TRIM16: variants seen among roughly 807,000 people sequenced by gnomAD.
TRIM16 encodes the protein tripartite motif-containing protein 16.
TRIM16 carries 33 observed loss-of-function variants against 50.4 expected under a neutral mutation model. The observed-to-expected ratio is 0.65, with a 90% CI of 0.50 to 0.88. The LOEUF is 0.88. Among genes scored for constraint, TRIM16 ranks in the 40% least tolerant of loss-of-function variants. The pLI, the probability that TRIM16 is intolerant of heterozygous loss-of-function variation, is 0.00. For synonymous variants in TRIM16, 229 were observed against 270.7 expected (o/e 0.85, Z 1.51); for missense variants, 581 against 686.8 (o/e 0.85, Z 1.72).
intron 6 of TRIM16, among the ~76,000 whole-genome samples, chr17:15,669,549 G>T (rs572900587): frequency 2.6e-5 from 4 of 152,050 alleles, no homozygotes; most frequent in Non-Finnish European, 5.9e-5. Context: ...AACTCAGGAA[G>T]CCCTTTCTTT....
At chr17:15,648,636 T>C (rs1206953766) in intron 7 of TRIM16, among the ~76,000 whole-genome samples, 1 of 152,230 alleles carries the variant, frequency 6.6e-6, no homozygotes, top group Admixed American at 6.5e-5. Flanking sequence ...CTGGGCTAGC[T>C]GAAGGGACTA....
At chr17:15,657,765 A>G (rs1988043367) in intron 6 of TRIM16, among the ~76,000 whole-genome samples, 1 of 152,184 alleles carries the variant, frequency 6.6e-6, no homozygotes, top group Non-Finnish European at 1.5e-5. Context: ...CCAACCTCCA[A>G]ACTTAAGAAT....
intron 7 of TRIM16, among the ~76,000 whole-genome samples, chr17:15,648,417 A>G (rs1328205453): frequency 6.6e-6 from 1 of 152,174 alleles, no homozygotes; most frequent in Non-Finnish European, 1.5e-5. Context: ...CTGCCCACTG[A>G]TATGGCTAGA....
intron 6 of TRIM16, among the ~76,000 whole-genome samples, chr17:15,661,797 T>C (rs972133325): frequency 2.6e-5 from 4 of 152,160 alleles, no homozygotes; most frequent in African/African-American, 7.2e-5. Context: ...TAGTGACAGA[T>C]TCTGGCCTAT....
At chr17:15,633,747 G>A (rs1416199786) in intron 9 of TRIM16, among the ~76,000 whole-genome samples, 5 of 149,860 alleles carry the variant, frequency 3.3e-5, no homozygotes, top group Non-Finnish European at 7.4e-5. Flanking sequence ...TCACCATGTT[G>A]GTCAGGCTGG....
intron 6 of TRIM16, among the ~76,000 whole-genome samples, chr17:15,660,647 C>G (rs1398315683): frequency 6.6e-6 from 1 of 152,008 alleles, no homozygotes; most frequent in Non-Finnish European, 1.5e-5. Context: ...ACCTGTAATC[C>G]CAGCACTTTG....
intron 6 of TRIM16, among the ~76,000 whole-genome samples, chr17:15,674,046 A>G (rs962642574): frequency 6.6e-6 from 1 of 152,154 alleles, no homozygotes; most frequent in Non-Finnish European, 1.5e-5. Flanking sequence ...GAAAGGGGAG[A>G]TGGAAAAAGC....
At chr17:15,642,666 A>G in intron 8 of TRIM16, 55 bp downstream of exon 8, 2 of 632,680 alleles carry the variant, frequency 3.2e-6, no homozygotes, top group Non-Finnish European at 5.5e-6. Flanking sequence ...GAGGCTAGGC[A>G]TGCAGTACCA....
At chr17:15,658,974 T>A in intron 6 of TRIM16, 1 of 629,938 alleles carries the variant, frequency 1.6e-6, no homozygotes, top group Non-Finnish European at 2.0e-6. Context: ...TTACAGACAC[T>A]AAGGGCCGTT....
At position 15,630,441 on chromosome 17, in the gene TRIM16, T is replaced by C. The variant is rs186601696; in HGVS notation, c.1111+1178A>G. ...TATCAGCTTCACATTTTGCATGGGA[T>C]TCTTCTCTAACTCAGAGAAGATGCT... On this transcript the variant is annotated intron_variant, in intron 11 of 11. Coordinates refer to ENST00000649191, the MANE Select transcript of TRIM16 (RefSeq NM_001348119.1). Among the ~76,000 whole-genome samples, 639 of 152,328 alleles carry C rather than the reference T, an allele frequency of 4.2e-3. 6 individuals are homozygous for C. The Middle Eastern group carries it at 0.044, about 11-fold the overall frequency.
chr17:15,644,798 TTTG>T lies in TRIM16; in HGVS notation c.520-1985_520-1983del, dbSNP rs968966695. Among the ~76,000 whole-genome samples the T allele has an allele frequency of 3.1e-4, 47 of 149,296 alleles. No homozygotes were observed. In the East Asian group the frequency reaches 7.7e-3, roughly 25 times the overall value. On this transcript the variant is annotated intron_variant, in intron 7 of 11. Coordinates refer to ENST00000649191, the MANE Select transcript of TRIM16 (RefSeq NM_001348119.1). ...TGGGGGCAGAGACCAAACCTAAGTTTTTGTTGTTGTTGTTGTTGTTCTTTGTTT... is the reference window on the plus strand; with the variant it reads ...TGGGGGCAGAGACCAAACCTAAGTTTTTGTTGTTGTTGTTGTTCTTTGTTT...
intron 11 of TRIM16, among the ~76,000 whole-genome samples, chr17:15,630,311 A>ACTCT (rs1276454370): frequency 2.0e-5 from 3 of 151,408 alleles, no homozygotes; most frequent in Admixed American, 6.6e-5. Flanking sequence ...ACTCTAACTC[A>ACTCT]CTCTCTCCCA....
intron 11 of TRIM16, among the ~76,000 whole-genome samples, chr17:15,631,243 G>GA (rs1424074585): frequency 1.3e-5 from 2 of 151,964 alleles, no homozygotes; most frequent in Non-Finnish European, 2.9e-5. Flanking sequence ...CTTTGGGCCA[G>GA]AAAAAAAGGG....
In TRIM16 at chr17:15,666,405, T is replaced by C. The variant is rs112022494; in HGVS notation, c.-338+10771A>G. On this transcript the variant is annotated intron_variant, in intron 6 of 11. Transcript: ENST00000649191. Reference sequence around the variant, plus strand: ...CCTCAGAGAAAGCTTTTTAAAAAAATCAACTTTACTGAGGTATACTTTACA... The same window carrying C: ...CCTCAGAGAAAGCTTTTTAAAAAAACCAACTTTACTGAGGTATACTTTACA... 8.6e-3 allele frequency among the ~76,000 whole-genome samples: 1,317 copies of C among 152,298 alleles called. 21 individuals are homozygous for C. The highest frequency in any genetic ancestry group is 0.03 in the African/African-American group (1,255 of 41,560).
chr17:15,655,579 CTTT>C (rs796123712), intron 6 of TRIM16, among the ~76,000 whole-genome samples: 17 of 146,598 alleles, frequency 1.2e-4, no homozygotes, highest in Non-Finnish European at 2.1e-4. Flanking sequence ...TGATCTCTCT[CTTT>C]TTTTTTTTTT....
intron 7 of TRIM16, among the ~76,000 whole-genome samples, chr17:15,649,052 G>A (rs1182386312): frequency 6.6e-6 from 1 of 152,104 alleles, no homozygotes; most frequent in Non-Finnish European, 1.5e-5. Flanking sequence ...TTCTGCGCGT[G>A]CTCTACACAA....
chr17:15,683,011 A>G (rs745486878), intron 2 of TRIM16, 25 bp downstream of exon 2: 10 of 1,550,332 alleles, frequency 6.5e-6, no homozygotes, highest in Non-Finnish European at 8.7e-6. Flanking sequence ...GGCTAATGGC[A>G]GGACCCTTTA....
At chr17:15,650,986 T>G in intron 7 of TRIM16, 105 bp downstream of exon 7, 2 of 1,465,264 alleles carry the variant, frequency 1.4e-6, no homozygotes, top group Non-Finnish European at 1.8e-6. Flanking sequence ...TCAGGTATGC[T>G]CAGAGCATAG....
rs55921154 is a variant in TRIM16 at position 15,659,258 on chromosome 17, G to A, written c.-337-7312C>T. 2.2e-3 allele frequency among the ~76,000 whole-genome samples: 339 copies of A among 152,300 alleles called. 1 individual carries two copies. The highest frequency in any genetic ancestry group is 7.7e-3 in the African/African-American group (322 of 41,570). On this transcript the variant is annotated intron_variant, in intron 6 of 11. Coordinates refer to ENST00000649191, the MANE Select transcript of TRIM16 (RefSeq NM_001348119.1). ...ACGGTCATTTCTTCCCTAAGTCTCC[G>A]AAGGTCTAGTCCTGGGCTGTTCTAG...
Sources: gnomAD v4.1 joint callset for allele counts (sites outside exome capture counted in the v4.1 genomes callset) on GRCh38, gnomAD v4.1.1 for gene constraint, MANE v1.5 for transcripts, NCBI Gene and HGNC (gene_info 2026-07-23, HGNC 2026-07-21) for gene names.